The following KCNT2 variants were observed in gnomAD, a reference collection of about 807,000 sequenced individuals.
The protein encoded by KCNT2 is potassium sodium-activated channel subfamily T member 2.
Under a neutral mutation model 153.8 loss-of-function variants are expected in KCNT2, and 67 were observed. The ratio of observed to expected loss-of-function variants is 0.44; its 90% CI spans 0.36 to 0.53. KCNT2 has a LOEUF of 0.53. KCNT2 is among the 20% of genes least tolerant of loss of function. The pLI is 0.00. For synonymous variants in KCNT2, 500 were observed against 458.8 expected (o/e 1.09, Z -1.15); for missense variants, 975 against 1,354.8 (o/e 0.72, Z 4.40).
At chr1:196,485,983 T>C (rs1404281964) in intron 3 of KCNT2, among the ~76,000 whole-genome samples, 1 of 151,950 alleles carries the variant, frequency 6.6e-6, no homozygotes, top group Non-Finnish European at 1.5e-5. Context: ...CAGTATTATT[T>C]ACAGCAGGAG....
chr1:196,476,814 T>C (rs1320229863), intron 5 of KCNT2, among the ~76,000 whole-genome samples: 5 of 152,200 alleles, frequency 3.3e-5, no homozygotes, highest in African/African-American at 1.2e-4. Context: ...CAGTCATCCT[T>C]GCTTCATCCT....
Position 196,467,799 on chromosome 1 carries a change from A to G in KCNT2, c.460-13T>C, listed in dbSNP as rs565286986. On this transcript the variant is annotated splice_polypyrimidine_tract_variant and intron_variant, in intron 6 of 27. Transcript: ENST00000294725. The stretch of plus-strand genomic sequence containing the variant: ...AAGGCCAGAATATCTGGAAAACAAA[A>G]CAAAACAAAACTAGACTTTTATCTC... The G allele has an allele frequency of 3.9e-6, 6 of 1,536,548 alleles. No individual in the cohort carries two copies. The highest frequency in any genetic ancestry group is 1.8e-6 in the Non-Finnish European group (2 of 1,113,920).
At chr1:196,320,975 T>A (rs1453949992) in intron 19 of KCNT2, among the ~76,000 whole-genome samples, 2 of 150,762 alleles carry the variant, frequency 1.3e-5, no homozygotes, top group African/African-American at 4.9e-5. Context: ...GACCTTATTT[T>A]CTTTTTTTTT....
chr1:196,353,008 G>A (rs370540165), intron 14 of KCNT2, among the ~76,000 whole-genome samples: 17 of 151,966 alleles, frequency 1.1e-4, no homozygotes, highest in East Asian at 1.9e-4. Flanking sequence ...GTAGTTGAGC[G>A]GTTTTGAGTG....
chr1:196,604,554 A>T (rs1387023026), intron 1 of KCNT2, among the ~76,000 whole-genome samples: 1 of 152,192 alleles, frequency 6.6e-6, no homozygotes. Context: ...GGCCTCACAG[A>T]AGTAGTGTTA....
chr1:196,606,902 C>T (rs1350542643), intron 1 of KCNT2, among the ~76,000 whole-genome samples: 2 of 152,098 alleles, frequency 1.3e-5, no homozygotes, highest in African/African-American at 2.4e-5. Context: ...TTTTCTTTAT[C>T]TTCAGTTTAC....
At chr1:196,424,643 C>A (rs1472534753) in intron 11 of KCNT2, among the ~76,000 whole-genome samples, 1 of 151,536 alleles carries the variant, frequency 6.6e-6, no homozygotes, top group Non-Finnish European at 1.5e-5. Context: ...TTAGATAACA[C>A]TCATTATATC....
chr1:196,498,909 C>T (rs974784695), intron 1 of KCNT2, among the ~76,000 whole-genome samples: 1 of 152,156 alleles, frequency 6.6e-6, no homozygotes, highest in Non-Finnish European at 1.5e-5. Flanking sequence ...AAGAAAAAGT[C>T]CTAGCTCTCA....
At position 196,316,020 on chromosome 1, in the gene KCNT2, ATC is replaced by A. The variant is rs751191770; in HGVS notation, c.2353_2354del (p.Asp785Ter). On this transcript the variant is annotated frameshift_variant, in exon 21 of 28. Transcript: ENST00000294725. LOFTEE classifies it high-confidence loss of function. The stretch of plus-strand genomic sequence containing the variant: ...AAGTCACTCCACACCTGAGTAAGTC[ATC>A]TAGGCTTTGATAAAAATCAACAGAG... ...YYMVGSIDNL[D>X]DLLRCGVTFA... 1.2e-6 allele frequency: 2 copies of A among 1,609,304 alleles called. No homozygotes were observed. The highest frequency in any genetic ancestry group is 1.7e-6 in the Non-Finnish European group (2 of 1,177,284).
intron 14 of KCNT2, 99 bp downstream of exon 14, chr1:196,373,041 A>G: frequency 1.5e-6 from 1 of 648,114 alleles, no homozygotes. Flanking sequence ...GTACATATCT[A>G]GCTGTATACG....
chr1:196,546,129 C>T (rs1237010666), intron 1 of KCNT2, among the ~76,000 whole-genome samples: 1 of 152,004 alleles, frequency 6.6e-6, no homozygotes, highest in Admixed American at 6.6e-5. Context: ...TATATTTGCA[C>T]CAAACAATTT....
chr1:196,281,857 C>T (rs775753735), intron 24 of KCNT2, among the ~76,000 whole-genome samples: 3 of 151,478 alleles, frequency 2.0e-5, no homozygotes, highest in Admixed American at 6.6e-5. Flanking sequence ...CCTGGGTTCA[C>T]GCCATTCTCA....
At chr1:196,342,046 A>G in intron 15 of KCNT2, 33 bp downstream of exon 15, 2 of 1,591,322 alleles carry the variant, frequency 1.3e-6, no homozygotes, top group Non-Finnish European at 8.6e-7. Flanking sequence ...TGACTGATTG[A>G]TATTTTAATT....
intron 19 of KCNT2, among the ~76,000 whole-genome samples, chr1:196,323,355 T>G (rs558321919): frequency 2.6e-5 from 4 of 151,974 alleles, no homozygotes; most frequent in Non-Finnish European, 4.4e-5. Context: ...GGATAATATA[T>G]TCTAGCTTTT....
chr1:196,329,929 G>C (rs1243979251), intron 18 of KCNT2, among the ~76,000 whole-genome samples: 1 of 98,238 alleles, frequency 1.0e-5, no homozygotes, highest in African/African-American at 4.2e-5. Context: ...CCATTGAAAT[G>C]GATAATTCTG....
intron 12 of KCNT2, among the ~76,000 whole-genome samples, chr1:196,411,179 A>G (rs1672296920): frequency 6.8e-6 from 1 of 147,130 alleles, no homozygotes; most frequent in African/African-American, 2.5e-5. Flanking sequence ...TGAAGAGACT[A>G]TCCTTTCCAC....
At chr1:196,387,094 T>C (rs1397120645) in intron 13 of KCNT2, among the ~76,000 whole-genome samples, 1 of 151,956 alleles carries the variant, frequency 6.6e-6, no homozygotes, top group African/African-American at 2.4e-5. Flanking sequence ...ATTATTTGGA[T>C]CTTGTTAGAA....
chr1:196,504,594 A>T lies in KCNT2; in HGVS notation c.96-12253T>A, dbSNP rs565047751. On this transcript the variant is annotated intron_variant, in intron 1 of 27. Coordinates refer to ENST00000294725, the MANE Select transcript of KCNT2 (RefSeq NM_198503.5). ...GCATGATTTATAGTCCTTTGGGTAT[A>T]TACCCAGTAATGAGATGGCTGGGTC... Among the ~76,000 whole-genome samples, 16 of 152,290 alleles carry T rather than the reference A, an allele frequency of 1.1e-4. No individual in the cohort carries two copies. In the East Asian group the frequency reaches 2.9e-3, roughly 28 times the overall value.
chr1:196,397,678 A>G (rs1248583342), intron 13 of KCNT2, among the ~76,000 whole-genome samples: 1 of 151,434 alleles, frequency 6.6e-6, no homozygotes, highest in African/African-American at 2.4e-5. Flanking sequence ...CCATTTCATA[A>G]TTTTCTTATC....
Sources: gnomAD v4.1 joint callset for allele counts (sites outside exome capture counted in the v4.1 genomes callset) on GRCh38, gnomAD v4.1.1 for gene constraint, MANE v1.5 for transcripts, NCBI Gene and HGNC (gene_info 2026-07-23, HGNC 2026-07-21) for gene names.